HOMER1: variants seen among roughly 807,000 people sequenced by gnomAD.
HOMER1 encodes the protein homer scaffold protein 1.
A neutral mutation model predicts 48.9 loss-of-function variants in HOMER1; 3 were observed. The ratio of observed to expected loss-of-function variants is 0.06; its 90% CI spans 0.03 to 0.16. HOMER1 has a LOEUF of 0.16. Ranked by LOEUF, HOMER1 falls within the 10% of genes least tolerant of loss-of-function variation. HOMER1 has a pLI of 1.00. For synonymous variants in HOMER1, 134 were observed against 146.4 expected (o/e 0.92, Z 0.61); for missense variants, 247 against 411.4 (o/e 0.60, Z 3.46).
intron 8 of HOMER1, among the ~76,000 whole-genome samples, chr5:79,387,294 T>G (rs1749143491): frequency 1.3e-5 from 2 of 151,982 alleles, no homozygotes; most frequent in African/African-American, 2.4e-5. Context: ...GCCCAGCTAA[T>G]TTTTAAAATA....
intron 1 of HOMER1, among the ~76,000 whole-genome samples, chr5:79,507,534 A>G (rs925350159): frequency 6.6e-6 from 1 of 152,200 alleles, no homozygotes; most frequent in Non-Finnish European, 1.5e-5. Flanking sequence ...GACCTGAGAT[A>G]TAAATCTATG....
At chr5:79,383,848 A>C (rs1439367203) in intron 8 of HOMER1, among the ~76,000 whole-genome samples, 1 of 152,220 alleles carries the variant, frequency 6.6e-6, no homozygotes, top group Non-Finnish European at 1.5e-5. Flanking sequence ...ATCAATACCA[A>C]GAAAAACTGT....
intron 1 of HOMER1, among the ~76,000 whole-genome samples, chr5:79,495,689 T>A (rs1009010300): frequency 3.9e-5 from 6 of 152,182 alleles, no homozygotes; most frequent in African/African-American, 9.7e-5. Context: ...TTCCTTAGGT[T>A]TGGGTTGATG....
intron 1 of HOMER1, among the ~76,000 whole-genome samples, chr5:79,470,287 A>G (rs1201175273): frequency 6.6e-6 from 1 of 152,228 alleles, no homozygotes; most frequent in Non-Finnish European, 1.5e-5. Flanking sequence ...GAAAATGTAC[A>G]ATATCAGAAG....
At chr5:79,510,958 G>C (rs987520289) in intron 1 of HOMER1, 2 of 520,674 alleles carry the variant, frequency 3.8e-6, no homozygotes, top group Non-Finnish European at 6.9e-6. Flanking sequence ...GCTGCCATCT[G>C]CATGGGGCTG....
intron 1 of HOMER1, among the ~76,000 whole-genome samples, chr5:79,490,140 T>C (rs1259765686): frequency 6.6e-6 from 1 of 152,154 alleles, no homozygotes; most frequent in Non-Finnish European, 1.5e-5. Context: ...TTTAGAAGAG[T>C]GCCAGGCACA....
intron 1 of HOMER1, among the ~76,000 whole-genome samples, chr5:79,463,766 T>C (rs1038533928): frequency 5.9e-5 from 9 of 152,098 alleles, no homozygotes; most frequent in African/African-American, 1.9e-4. Context: ...CCATTTAAAA[T>C]TGTAGAACCA....
In HOMER1 at chr5:79,451,124, A is replaced by G. The variant is rs1182292219; in HGVS notation, c.163-3T>C. The G allele has an allele frequency of 6.2e-7, 1 of 1,609,686 alleles. No individual in the cohort carries two copies. On this transcript the variant is annotated splice_region_variant and splice_polypyrimidine_tract_variant and intron_variant, in intron 2 of 8. Coordinates refer to ENST00000334082, the MANE Select transcript of HOMER1 (RefSeq NM_004272.5). ...GTGATGGTACTATTTATTATTGCCT[A>G]AAAAATAAAGCAAGTATGAGCAACC...
In HOMER1 at chr5:79,513,435, G is replaced by A. The variant is rs1448759638; in HGVS notation, c.-661C>T. ...CTAAGACTCGGAGCAGAGAAGAGGTGGGGAGGACGAAGAGAAGGCTAGGCA... is the reference window on the plus strand; with the variant it reads ...CTAAGACTCGGAGCAGAGAAGAGGTAGGGAGGACGAAGAGAAGGCTAGGCA... On this transcript the variant is annotated 5_prime_UTR_variant, in exon 1 of 9. Transcript: ENST00000334082. The A allele has an allele frequency of 2.0e-5, 3 of 152,566 alleles. No homozygotes were observed. The highest frequency in any genetic ancestry group is 1.9e-4 in the East Asian group (1 of 5,186). The allele number at this position is 152,566 out of a possible 1,614,324, so 9.5% of individuals were successfully genotyped here.
intron 1 of HOMER1, among the ~76,000 whole-genome samples, chr5:79,509,480 G>A (rs1580050594): frequency 7.1e-6 from 1 of 140,140 alleles, no homozygotes; most frequent in Non-Finnish European, 1.5e-5. Context: ...GTCATTATGA[G>A]ATACTATTTG....
At chr5:79,482,065 A>G (rs981793808) in intron 1 of HOMER1, among the ~76,000 whole-genome samples, 2 of 152,032 alleles carry the variant, frequency 1.3e-5, no homozygotes, top group African/African-American at 4.8e-5. Context: ...CTAAAAATAC[A>G]AAAAATTAGC....
chr5:79,426,155 G>T (rs1170906129), intron 5 of HOMER1, among the ~76,000 whole-genome samples: 2 of 151,950 alleles, frequency 1.3e-5, no homozygotes, highest in African/African-American at 4.8e-5. Flanking sequence ...AAAGTGGAAA[G>T]TTTGCACCCT....
chr5:79,487,913 G>A (rs1341502592), intron 1 of HOMER1, among the ~76,000 whole-genome samples: 1 of 152,066 alleles, frequency 6.6e-6, no homozygotes, highest in Non-Finnish European at 1.5e-5. Context: ...AATCTAGAGA[G>A]GTGCAGGCAG....
intron 1 of HOMER1, among the ~76,000 whole-genome samples, chr5:79,463,751 G>A (rs1346161883): frequency 1.3e-5 from 2 of 152,004 alleles, no homozygotes; most frequent in Non-Finnish European, 1.5e-5. Flanking sequence ...TTGATTTTGG[G>A]GTCCCCATTT....
chr5:79,451,694 T>A (rs1299486276), intron 2 of HOMER1, among the ~76,000 whole-genome samples: 1 of 150,066 alleles, frequency 6.7e-6, no homozygotes, highest in Non-Finnish European at 1.5e-5. Context: ...GCCTCCTGAG[T>A]AGCTGGGACT....
At chr5:79,415,628 C>T (rs1291728706) in intron 5 of HOMER1, among the ~76,000 whole-genome samples, 1 of 152,064 alleles carries the variant, frequency 6.6e-6, no homozygotes, top group Non-Finnish European at 1.5e-5. Flanking sequence ...TATCGTAGAT[C>T]AGATAAAATA....
chr5:79,440,343 G>C (rs1277298939), intron 4 of HOMER1, among the ~76,000 whole-genome samples: 1 of 152,234 alleles, frequency 6.6e-6, no homozygotes, highest in East Asian at 1.9e-4. Context: ...TTATACTGCT[G>C]TATGAATTTT....
chr5:79,462,496 A>T (rs576495691), intron 1 of HOMER1, among the ~76,000 whole-genome samples: 1 of 152,226 alleles, frequency 6.6e-6, no homozygotes, highest in African/African-American at 2.4e-5. Context: ...GAATGTTAAG[A>T]TAACCCTGAG....
intron 8 of HOMER1, among the ~76,000 whole-genome samples, chr5:79,391,836 A>T (rs942017649): frequency 5.3e-5 from 8 of 152,166 alleles, no homozygotes; most frequent in Non-Finnish European, 8.8e-5. Context: ...AAGAACAAGT[A>T]TATCAAATAA....
Sources: gnomAD v4.1 joint callset for allele counts (sites outside exome capture counted in the v4.1 genomes callset) on GRCh38, gnomAD v4.1.1 for gene constraint, MANE v1.5 for transcripts, NCBI Gene and HGNC (gene_info 2026-07-23, HGNC 2026-07-21) for gene names.